Variants in MRAS observed in about 807,000 individuals in gnomAD.
The protein encoded by MRAS is muscle RAS oncogene homolog.
MRAS carries 4 observed loss-of-function variants against 20.9 expected under a neutral mutation model. The ratio of observed to expected loss-of-function variants is 0.19; its 90% CI spans 0.09 to 0.44. The LOEUF (loss-of-function observed/expected upper bound fraction) is 0.44, where lower values mean the gene tolerates loss of function less well. MRAS is among the 20% of genes least tolerant of loss of function. The pLI is 0.99. For missense variants in MRAS, 154 were observed against 277.5 expected (o/e 0.56, Z 3.16); for synonymous variants, 98 against 102.9 (o/e 0.95, Z 0.29).
intron 2 of MRAS, among the ~76,000 whole-genome samples, chr3:138,375,692 C>T (rs2054769145): frequency 6.6e-6 from 1 of 152,118 alleles, no homozygotes; most frequent in Admixed American, 6.5e-5. Context: ...CCATCTTGGC[C>T]AGAAGCAGAA....
At chr3:138,376,080 T>C (rs2054778026) in intron 2 of MRAS, among the ~76,000 whole-genome samples, 1 of 152,214 alleles carries the variant, frequency 6.6e-6, no homozygotes, top group Admixed American at 6.5e-5. Flanking sequence ...GGCATGTAGA[T>C]TGTATCTCAA....
intron 1 of MRAS, among the ~76,000 whole-genome samples, chr3:138,355,106 A>G (rs545026955): frequency 4.7e-4 from 71 of 152,242 alleles, no homozygotes; most frequent in African/African-American, 1.5e-3. Context: ...TATATACTCT[A>G]AAGTATAGGA....
At chr3:138,398,022 A>G (rs1331843116) in intron 3 of MRAS, among the ~76,000 whole-genome samples, 1 of 152,242 alleles carries the variant, frequency 6.6e-6, no homozygotes, top group Non-Finnish European at 1.5e-5. Flanking sequence ...CAAATACTCA[A>G]TGCTGCGGTG....
chr3:138,360,274 C>G (rs2054418942), intron 1 of MRAS, among the ~76,000 whole-genome samples: 1 of 152,234 alleles, frequency 6.6e-6, no homozygotes, highest in African/African-American at 2.4e-5. Flanking sequence ...CTGTGAGATG[C>G]AGAGGGATGC....
At position 138,379,165 on chromosome 3, in the gene MRAS, C is replaced by T. The variant is rs537825261; in HGVS notation, c.193+6089C>T. Among the ~76,000 whole-genome samples, 14 of 152,156 alleles carry T rather than the reference C, an allele frequency of 9.2e-5. No homozygotes were observed. The East Asian group carries it at 2.7e-3, about 29-fold the overall frequency. On this transcript the variant is annotated intron_variant, in intron 2 of 5. Transcript: ENST00000423968. ...TTTCTGTACCCATTAACCAACTTCTCTTCATCCCCCCACCCACACACCCTT... is the reference window on the plus strand; with the variant it reads ...TTTCTGTACCCATTAACCAACTTCTTTTCATCCCCCCACCCACACACCCTT...
chr3:138,373,854 C>G (rs1260415748), intron 2 of MRAS, among the ~76,000 whole-genome samples: 1 of 150,334 alleles, frequency 6.7e-6, no homozygotes, highest in African/African-American at 2.5e-5. Context: ...GGCTTCCAAC[C>G]CATGAACACA....
intron 2 of MRAS, among the ~76,000 whole-genome samples, chr3:138,386,064 T>C (rs2055006720): frequency 6.6e-6 from 1 of 152,142 alleles, no homozygotes; most frequent in South Asian, 2.1e-4. Context: ...TTTTTCCTCA[T>C]ATAACTTTTT....
At chr3:138,360,099 C>G (rs1044517693) in intron 1 of MRAS, among the ~76,000 whole-genome samples, 1 of 152,208 alleles carries the variant, frequency 6.6e-6, no homozygotes, top group Non-Finnish European at 1.5e-5. Context: ...CTCCCTGTTG[C>G]CTGTACCTAT....
chr3:138,381,413 G>A (rs1345517037), intron 2 of MRAS, among the ~76,000 whole-genome samples: 1 of 152,228 alleles, frequency 6.6e-6, no homozygotes, highest in Non-Finnish European at 1.5e-5. Flanking sequence ...TGCCGAGCGT[G>A]TCCTCCACCC....
chr3:138,367,621 A>G (rs2054587244), intron 1 of MRAS, among the ~76,000 whole-genome samples: 1 of 152,160 alleles, frequency 6.6e-6, no homozygotes, highest in Admixed American at 6.5e-5. Flanking sequence ...CCTGCTTCTT[A>G]GCACAAGGGA....
At position 138,369,135 on chromosome 3, in the gene MRAS, T is replaced by C. The variant is rs6789938; in HGVS notation, c.-18-3731T>C. ...CCATGAGGAAGCCAGCTCTGTGGTG[T>C]GTAGGTTGTCTGACCATTGTTCAGA... On this transcript the variant is annotated intron_variant, in intron 1 of 5. Transcript: ENST00000423968. 7.1e-3 allele frequency among the ~76,000 whole-genome samples: 1,080 copies of C among 152,278 alleles called. 14 individuals carry two copies. The highest frequency in any genetic ancestry group is 0.025 in the African/African-American group (1,029 of 41,556).
intron 2 of MRAS, among the ~76,000 whole-genome samples, chr3:138,397,003 C>T (rs1394155196): frequency 6.6e-6 from 1 of 152,154 alleles, no homozygotes; most frequent in African/African-American, 2.4e-5. Flanking sequence ...GATTGTGTAG[C>T]AGAGTTCATC....
At chr3:138,382,906 C>T (rs926122794) in intron 2 of MRAS, among the ~76,000 whole-genome samples, 5 of 152,202 alleles carry the variant, frequency 3.3e-5, no homozygotes, top group African/African-American at 1.2e-4. Flanking sequence ...ACCAATAGAT[C>T]TGAGACCTCC....
intron 1 of MRAS, among the ~76,000 whole-genome samples, chr3:138,366,294 T>C (rs2054558982): frequency 6.6e-6 from 1 of 152,144 alleles, no homozygotes. Context: ...ATCATAGAGA[T>C]GAGATTAGCT....
At chr3:138,365,090 T>C (rs1023182679) in intron 1 of MRAS, among the ~76,000 whole-genome samples, 2 of 152,230 alleles carry the variant, frequency 1.3e-5, no homozygotes, top group African/African-American at 2.4e-5. Flanking sequence ...CTTTCTAGTT[T>C]GGTGACCTTC....
chr3:138,365,051 CTG>C (rs1337111243), intron 1 of MRAS, among the ~76,000 whole-genome samples: 1 of 152,348 alleles, frequency 6.6e-6, no homozygotes, highest in African/African-American at 2.4e-5. Context: ...TGGAACCACA[CTG>C]TGTTGTTTCA....
chr3:138,355,618 CCT>C (rs2054315699), intron 1 of MRAS, among the ~76,000 whole-genome samples: 1 of 152,186 alleles, frequency 6.6e-6, no homozygotes, highest in Non-Finnish European at 1.5e-5. Flanking sequence ...ATTTTCCTTC[CCT>C]GAGTTGCCCT....
At chr3:138,352,157 A>G (rs1405039014) in intron 1 of MRAS, among the ~76,000 whole-genome samples, 1 of 152,240 alleles carries the variant, frequency 6.6e-6, no homozygotes, top group Non-Finnish European at 1.5e-5. Context: ...GCACTGCCTC[A>G]TGCTTCCGCA....
At chr3:138,353,893 A>G (rs1006643071) in intron 1 of MRAS, among the ~76,000 whole-genome samples, 6 of 152,252 alleles carry the variant, frequency 3.9e-5, no homozygotes, top group African/African-American at 1.2e-4. Flanking sequence ...AGAGTCAGAA[A>G]GGAATCTGGC....
Sources: gnomAD v4.1 joint callset for allele counts (sites outside exome capture counted in the v4.1 genomes callset) on GRCh38, gnomAD v4.1.1 for gene constraint, MANE v1.5 for transcripts, NCBI Gene and HGNC (gene_info 2026-07-23, HGNC 2026-07-21) for gene names.